Variants in ATG14 observed in about 807,000 individuals in gnomAD.
ATG14 encodes the protein beclin 1-associated autophagy-related key regulator.
In ATG14, 35 loss-of-function variants were observed where a neutral mutation model predicts 60.4. That is an observed-to-expected ratio of 0.58 (90% CI 0.44 to 0.77). ATG14 has a LOEUF of 0.77. ATG14 is among the 30% of genes least tolerant of loss of function. The pLI is 0.00. For synonymous variants in ATG14, 234 were observed against 228.8 expected, an observed-to-expected ratio of 1.02 and a Z score of -0.21; for missense variants, 647 against 626.3, an observed-to-expected ratio of 1.03 and a Z score of -0.35.
chr14:55,388,701 T>G (rs551187034), intron 4 of ATG14, among the ~76,000 whole-genome samples: 1 of 152,184 alleles, frequency 6.6e-6, no homozygotes, highest in Non-Finnish European at 1.5e-5. Context: ...AACAACAAGC[T>G]CTTAAGCATG....
At chr14:55,377,483 G>T (rs1249748814) in intron 9 of ATG14, among the ~76,000 whole-genome samples, 1 of 152,188 alleles carries the variant, frequency 6.6e-6, no homozygotes, top group Non-Finnish European at 1.5e-5. Context: ...CTATGTCCAG[G>T]AAGGGCTGGA....
At chr14:55,405,876 G>A (rs1231769853) in intron 1 of ATG14, among the ~76,000 whole-genome samples, 1 of 151,970 alleles carries the variant, frequency 6.6e-6, no homozygotes, top group Non-Finnish European at 1.5e-5. Context: ...GGTCTCCCCT[G>A]GGGGTGGGGT....
Position 55,380,710 on chromosome 14 carries a change from AC to A in ATG14, c.878-21del, listed in dbSNP as rs748395216. 1 of 1,517,650 alleles carries A rather than the reference AC, an allele frequency of 6.6e-7. No individual in the cohort carries two copies. The highest frequency in any genetic ancestry group is 9.0e-7 in the Non-Finnish European group (1 of 1,108,546). The allele number at this position is 1,517,650 out of a possible 1,614,324, so 94.0% of individuals were successfully genotyped here. ...CCATGTCTGCAGTAAGAAAACAACCACCATGTACAAAACCTTAATTCCAACA... is the reference window on the plus strand; with the variant it reads ...CCATGTCTGCAGTAAGAAAACAACCACATGTACAAAACCTTAATTCCAACA... On this transcript the variant is annotated intron_variant, in intron 6 of 9. Coordinates refer to ENST00000247178, the MANE Select transcript of ATG14 (RefSeq NM_014924.5).
rs1884679436 is a variant in ATG14, at chr14:55,366,391, T to A, written c.*3228A>T. The A allele has an allele frequency of 6.6e-6, 1 of 152,628 alleles. No individual in the cohort carries two copies. Among genetic ancestry groups the A allele is most frequent in the Non-Finnish European group, 1.5e-5 (1 of 68,034 alleles). The allele number at this position is 152,628 out of a possible 1,614,324, so 9.5% of individuals were successfully genotyped here. On this transcript the variant is annotated 3_prime_UTR_variant, in exon 10 of 10. Coordinates refer to ENST00000247178, the MANE Select transcript of ATG14 (RefSeq NM_014924.5). ...GAAAAAGACATACACATGAGCAAAG[T>A]ACTGTTAAAAGATTTATTGCAGTAA...
intron 4 of ATG14, among the ~76,000 whole-genome samples, chr14:55,386,721 G>A (rs1308956626): frequency 6.6e-6 from 1 of 152,172 alleles, no homozygotes; most frequent in Non-Finnish European, 1.5e-5. Flanking sequence ...ACAACCACGA[G>A]GAGACATACA....
intron 5 of ATG14, among the ~76,000 whole-genome samples, chr14:55,383,587 AC>A (rs201761947): frequency 1.3e-4 from 20 of 151,230 alleles, no homozygotes; most frequent in East Asian, 1.2e-3. Flanking sequence ...AACAACAACA[AC>A]AAAAAAAACC....
chr14:55,407,252 C>G (rs1383716876), intron 1 of ATG14, among the ~76,000 whole-genome samples: 1 of 152,208 alleles, frequency 6.6e-6, no homozygotes, highest in African/African-American at 2.4e-5. Flanking sequence ...CCTCAGCCTC[C>G]TGAGTAGCTG....
At chr14:55,384,802 C>A (rs1885094928) in intron 5 of ATG14, among the ~76,000 whole-genome samples, 1 of 152,224 alleles carries the variant, frequency 6.6e-6, no homozygotes, top group African/African-American at 2.4e-5. Flanking sequence ...ATTAGAGCAG[C>A]CTGGTGGCTT....
chr14:55,390,014 A>G (rs1007688042), intron 4 of ATG14, among the ~76,000 whole-genome samples: 1 of 152,020 alleles, frequency 6.6e-6, no homozygotes, highest in Non-Finnish European at 1.5e-5. Flanking sequence ...ATTACAAGTG[A>G]GTACCAAGTT....
chr14:55,370,004 C>G (rs1332405861), intron 9 of ATG14, 79 bp from the exon 10 acceptor site: 1 of 1,416,878 alleles, frequency 7.1e-7, no homozygotes, highest in East Asian at 2.3e-5. Context: ...CCTGAAGGCC[C>G]TCACCTGAGG....
At chr14:55,387,933 A>AT (rs1291039143) in intron 4 of ATG14, among the ~76,000 whole-genome samples, 8 of 152,132 alleles carry the variant, frequency 5.3e-5, no homozygotes, top group African/African-American at 1.9e-4. Flanking sequence ...AAGTGCTGGG[A>AT]TTATAGGCAT....
intron 1 of ATG14, among the ~76,000 whole-genome samples, chr14:55,398,446 T>C (rs1885350099): frequency 6.6e-6 from 1 of 152,226 alleles, no homozygotes; most frequent in Non-Finnish European, 1.5e-5. Flanking sequence ...AGCTATATCC[T>C]AAGATTTGAT....
intron 1 of ATG14, among the ~76,000 whole-genome samples, chr14:55,406,972 T>G (rs1430164780): frequency 6.6e-6 from 1 of 151,794 alleles, no homozygotes; most frequent in Non-Finnish European, 1.5e-5. Flanking sequence ...GTCTTTTTTT[T>G]TTTTTTTGAG....
rs778057786 is a variant in ATG14 at position 55,369,852 on chromosome 14, A to G, written c.1246T>C (p.Ser416Pro). ...ACGCGCTCATCTCCGCTCTCATCTG[A>G]TTCTCCAGCAACTCCGGGATCCACA... The part of the protein sequence containing the change: ...EFVDPGVAGE[S>P]DESGDERVSD... The change falls in exon 10 of 10, where the codon TCA becomes CCA. Residue 416 changes from serine (S) to proline (P), a missense_variant. Ser to Pro is a moderately conservative substitution (Grantham distance 74, BLOSUM62 -1). Coordinates refer to ENST00000247178, the MANE Select transcript of ATG14 (RefSeq NM_014924.5). The G allele has an allele frequency of 9.9e-6, 16 of 1,613,858 alleles. 1 individual carries two copies. In the East Asian group the frequency reaches 3.6e-4, roughly 36 times the overall value.
chr14:55,391,199 A>G (rs1885209591), intron 3 of ATG14: 4 of 434,398 alleles, frequency 9.2e-6, no homozygotes, highest in Non-Finnish European at 1.6e-5. Flanking sequence ...AAATTAGGCC[A>G]GTGCGGTGGC....
rs1397776522 is a variant in ATG14, at chr14:55,368,755, C to G, written c.*864G>C. 6.6e-6 allele frequency: 1 copy of G among 152,182 alleles called. No homozygotes were observed. The highest frequency in any genetic ancestry group is 2.4e-5 in the African/African-American group (1 of 41,430). 9.4% of individuals were successfully genotyped at this position (152,182 alleles called of 1,614,324 possible). A position where few individuals can be genotyped will look rare whatever the true frequency, so the allele number is the denominator to read the frequency against. On this transcript the variant is annotated 3_prime_UTR_variant, in exon 10 of 10. Coordinates refer to ENST00000247178, the MANE Select transcript of ATG14 (RefSeq NM_014924.5). ...TTAACTAAGTGGCTTTTCCCCTGTG[C>G]CCAGGCAGGCATTGAGCTTACATAA...
At chr14:55,411,562 C>T (rs1482772477) in intron 1 of ATG14, 40 bp downstream of exon 1, 1 of 1,561,982 alleles carries the variant, frequency 6.4e-7, no homozygotes, top group Non-Finnish European at 8.7e-7. Context: ...CTGGAGGACA[C>T]ACAGCAGAAG....
chr14:55,379,434 C>T (rs1007024122), intron 7 of ATG14, among the ~76,000 whole-genome samples: 11 of 151,850 alleles, frequency 7.2e-5, no homozygotes, highest in African/African-American at 2.4e-5. Flanking sequence ...CCCAGCAACT[C>T]GGGAGGCTGA....
Position 55,381,763 on chromosome 14 carries a change from ATG to A in ATG14, c.877+197_877+198del, listed in dbSNP as rs142760782. On this transcript the variant is annotated intron_variant, in intron 6 of 9. Coordinates refer to ENST00000247178, the MANE Select transcript of ATG14 (RefSeq NM_014924.5). ...GCTGAGGGGAAGGGAGAGTGGGGAA[ATG>A]TGACACTTTCATGCCATGGGGTTTC... Among the ~76,000 whole-genome samples the A allele has an allele frequency of 9.3e-3, 1,414 of 152,280 alleles. 31 individuals carry two copies. The highest frequency in any genetic ancestry group is 0.033 in the African/African-American group (1,364 of 41,552).
Sources: gnomAD v4.1 joint callset for allele counts (sites outside exome capture counted in the v4.1 genomes callset) on GRCh38, gnomAD v4.1.1 for gene constraint, MANE v1.5 for transcripts, NCBI Gene and HGNC (gene_info 2026-07-23, HGNC 2026-07-21) for gene names.